ABR: variants seen among roughly 807,000 people sequenced by gnomAD.
ABR encodes the protein ABR activator of RhoGEF and GTPase, also known as active breakpoint cluster region-related protein.
In ABR, 35 loss-of-function variants were observed where a neutral mutation model predicts 107.2. That is an observed-to-expected ratio of 0.33 (90% CI 0.25 to 0.43). ABR has a LOEUF of 0.43. Among genes scored for constraint, ABR ranks in the 20% least tolerant of loss-of-function variants. The probability of loss-of-function intolerance (pLI) is 1.00; values close to 1 mark genes in which losing one functional copy is unlikely to be tolerated. For missense variants in ABR, 815 were observed against 1,115.2 expected (o/e 0.73, Z 3.83); for synonymous variants, 498 against 462.0 (o/e 1.08, Z -1.00).
intron 1 of ABR, among the ~76,000 whole-genome samples, chr17:1,152,545 C>T (rs968398036): frequency 6.6e-6 from 1 of 151,616 alleles, no homozygotes; most frequent in Admixed American, 6.6e-5. Flanking sequence ...GAGCCGAGAT[C>T]GCGCCACTGC....
chr17:1,098,854 C>T (rs1411497619), intron 3 of ABR, among the ~76,000 whole-genome samples: 2 of 152,208 alleles, frequency 1.3e-5, no homozygotes, highest in Non-Finnish European at 2.9e-5. Flanking sequence ...GGTGCAAACT[C>T]GGCTCACTGC....
chr17:1,076,063 A>G (rs1432143335), intron 6 of ABR, among the ~76,000 whole-genome samples: 3 of 152,160 alleles, frequency 2.0e-5, no homozygotes, highest in Non-Finnish European at 2.9e-5. Context: ...ATATAGAGAC[A>G]AGGTCTCACT....
At position 1,070,038 on chromosome 17, in the gene ABR, C is replaced by T. The variant is rs1198624778; in HGVS notation, c.947G>A (p.Arg316Gln). The T allele has an allele frequency of 1.2e-6, 2 of 1,613,684 alleles. No homozygotes were observed. The highest frequency in any genetic ancestry group is 8.5e-7 in the Non-Finnish European group (1 of 1,179,946). ...AAAGAGGAAGACGTGCCGCAGCTTC[C>T]GGGAGCTCTCTGACACTTCCACCAG... ...GFLVEVSESS[R>Q]KLRHVFLFTD... Residue 316 changes from arginine to glutamine, a missense_variant, in exon 9 of 23, where the codon CGG becomes CAG. Physicochemically the swap from Arg to Gln is conservative, Grantham distance 43. Transcript: ENST00000302538. The surrounding 1 kb of genome is among the most constrained non-coding windows in gnomAD (Gnocchi z 4.2).
At chr17:1,041,816 A>C (rs1265575025) in intron 16 of ABR, among the ~76,000 whole-genome samples, 1 of 152,226 alleles carries the variant, frequency 6.6e-6, no homozygotes, top group African/African-American at 2.4e-5. Context: ...CCGCGGCCTC[A>C]GGGTGACTGC....
chr17:1,176,570 G>A (rs1009576604), intron 1 of ABR, among the ~76,000 whole-genome samples: 2 of 152,242 alleles, frequency 1.3e-5, no homozygotes, highest in Non-Finnish European at 2.9e-5. Context: ...CACAGGCCGG[G>A]CGCAGTGGCT....
At chr17:1,031,896 G>GCGCTCCCCTCCCTCCCTCCC in intron 16 of ABR, 4 of 499,530 alleles carry the variant, frequency 8.0e-6, no homozygotes, top group Non-Finnish European at 9.9e-6. Context: ...CCCTCCCTCC[G>GCGCTCCCCTCCCTCCCTCCC]TCCGCGTCCC....
Position 1,018,870 on chromosome 17 carries a change from C to T in ABR, c.1792-5706G>A, listed in dbSNP as rs543191254. ...CATATGCGGTTTAAGCTCTCATAGC[C>T]GCTCCCATCTCACAGATGAGGATGC... is the stretch of plus-strand genomic sequence containing the variant. On this transcript the variant is annotated intron_variant, in intron 16 of 22. Transcript: ENST00000302538. Among the ~76,000 whole-genome samples, 4 of 152,306 alleles carry T rather than the reference C, an allele frequency of 2.6e-5. No homozygotes were observed. In the East Asian group the frequency reaches 5.8e-4, roughly 22 times the overall value.
At chr17:1,167,515 G>C (rs192360911) in intron 1 of ABR, among the ~76,000 whole-genome samples, 1 of 151,814 alleles carries the variant, frequency 6.6e-6, no homozygotes, top group African/African-American at 2.4e-5. Flanking sequence ...GTAAGCCGAG[G>C]AGCTTTTCAG....
At chr17:1,187,616 G>A (rs1366430753), upstream of ABR, among the ~76,000 whole-genome samples, 1 of 152,316 alleles carries the variant, frequency 6.6e-6, no homozygotes, top group East Asian at 1.9e-4. Flanking sequence ...TGGGCCGGGT[G>A]TGGCAGCTCA....
upstream of ABR, among the ~76,000 whole-genome samples, chr17:1,182,930 C>T (rs2042180517): frequency 6.6e-6 from 1 of 152,128 alleles, no homozygotes; most frequent in Non-Finnish European, 1.5e-5. Flanking sequence ...TAACCTTGGC[C>T]ACAGAGACAA....
rs116576140 is a variant in ABR at position 1,129,946 on chromosome 17, C to T, written c.62-4579G>A. ...TGGGTGACAGAGTGAGACTCTGTCT[C>T]GAAACAACCAACCAACCAACAACAA... On this transcript the variant is annotated intron_variant, in intron 1 of 22. Transcript: ENST00000302538. Among the ~76,000 whole-genome samples, 573 of 151,876 alleles carry T rather than the reference C, an allele frequency of 3.8e-3. 4 individuals carry two copies. Among genetic ancestry groups the T allele is most frequent in the African/African-American group, 0.013 (539 of 41,398 alleles).
At chr17:1,215,529 G>A (rs1330251949) in intron 1 of ABR, among the ~76,000 whole-genome samples, 2 of 152,170 alleles carry the variant, frequency 1.3e-5, no homozygotes, top group African/African-American at 2.4e-5. Flanking sequence ...ACGGAGTCTC[G>A]TTCACTGAGT....
At chr17:1,023,629 G>A (rs1379990449) in intron 16 of ABR, among the ~76,000 whole-genome samples, 1 of 152,222 alleles carries the variant, frequency 6.6e-6, no homozygotes, top group Non-Finnish European at 1.5e-5. Flanking sequence ...GGCCTTCTGT[G>A]GTCCTGACCA....
rs572077389 is a variant in ABR at position 1,142,413 on chromosome 17, C to T, written c.62-17046G>A. On this transcript the variant is annotated intron_variant, in intron 1 of 22. Transcript: ENST00000302538. Reference sequence around the variant, plus strand: ...CAGCCTGGCCAACATAGAGAAACCCCGTCTCTACTAAAAATATAAAAATTA... The same window carrying T: ...CAGCCTGGCCAACATAGAGAAACCCTGTCTCTACTAAAAATATAAAAATTA... Among the ~76,000 whole-genome samples, 15 of 152,074 alleles carry T rather than the reference C, an allele frequency of 9.9e-5. No homozygotes were observed. The South Asian group carries it at 2.5e-3, about 25-fold the overall frequency.
At chr17:1,067,568 CT>C (rs781005765) in intron 9 of ABR, among the ~76,000 whole-genome samples, 24 of 152,350 alleles carry the variant, frequency 1.6e-4, no homozygotes, top group Non-Finnish European at 2.6e-4. Flanking sequence ...TCACATTTTC[CT>C]ATTCCCCACC....
rs2069810375 is a variant in ABR, at chr17:1,003,565, TC to T, written c.*2514del. 1 of 152,662 alleles carries T rather than the reference TC, an allele frequency of 6.6e-6. No homozygotes were observed. The highest frequency in any genetic ancestry group is 1.5e-5 in the Non-Finnish European group (1 of 68,044). The allele number at this position is 152,662 out of a possible 1,614,324, so 9.5% of individuals were successfully genotyped here. A position where few individuals can be genotyped will look rare whatever the true frequency, so the allele number is the denominator to read the frequency against. ...GGCTTTGCATTTTTTATTAACATTT[TC>T]CTCTCACGTGGTTTACATCAATTTA... On this transcript the variant is annotated 3_prime_UTR_variant, in exon 23 of 23. Transcript: ENST00000302538.
At chr17:1,180,159 AGGGGCCGCG>A (rs1200382221), upstream of ABR, among the ~76,000 whole-genome samples, 14 of 127,818 alleles carry the variant, frequency 1.1e-4, no homozygotes, top group African/African-American at 4.2e-4. Flanking sequence ...CTGGGCGAGG[AGGGGCCGCG>A]GGGGTCTCGG....
rs199543850 is a variant in ABR, at chr17:1,206,784, CA to C, written c.838+22008del. 7.2e-3 allele frequency among the ~76,000 whole-genome samples: 1,093 copies of C among 152,146 alleles called. 18 individuals carry two copies. The highest frequency in any genetic ancestry group is 0.026 in the African/African-American group (1,066 of 41,496). ...TGAAATTTGTGAAACTCCATCTCTA[CA>C]AAAACATACAAAAATTAGGCTGGGC... On this transcript the variant is annotated intron_variant, in intron 1 of 22. Transcript: ENST00000574139.
intron 2 of ABR, among the ~76,000 whole-genome samples, chr17:1,102,136 A>G (rs182516850): frequency 7.9e-5 from 12 of 152,096 alleles, no homozygotes; most frequent in African/African-American, 2.9e-4. Flanking sequence ...GCCCGTCCCT[A>G]CCCTTCCAGT....
Sources: gnomAD v4.1 joint callset for allele counts (sites outside exome capture counted in the v4.1 genomes callset) on GRCh38, gnomAD v4.1.1 for gene constraint, Gnocchi (gnomAD v3.1) non-coding constraint, MANE v1.5 for transcripts, NCBI Gene and HGNC (gene_info 2026-07-23, HGNC 2026-07-21) for gene names.